Variants in SLC9A9 observed in about 807,000 individuals in gnomAD.
The protein encoded by SLC9A9 is solute carrier family 9 member A9, also known as sodium/hydrogen exchanger 9.
SLC9A9 carries 62 observed loss-of-function variants against 77.8 expected under a neutral mutation model. The ratio of observed to expected loss-of-function variants is 0.80; its 90% CI spans 0.65 to 0.98. The LOEUF (loss-of-function observed/expected upper bound fraction) is 0.98. Among genes scored for constraint, SLC9A9 ranks in the 50% least tolerant of loss-of-function variants. SLC9A9 has a pLI of 0.00. For missense variants in SLC9A9, 775 were observed against 774.9 expected (o/e 1.00, Z 0.00); for synonymous variants, 320 against 283.5 (o/e 1.13, Z -1.29).
chr3:143,548,911 A>T (rs377111024), intron 9 of SLC9A9, among the ~76,000 whole-genome samples: 6 of 152,232 alleles, frequency 3.9e-5, no homozygotes, highest in African/African-American at 1.4e-4. Flanking sequence ...TTTGTAAATC[A>T]TGTCATCTTT....
chr3:143,361,693 A>G (rs181812572), intron 14 of SLC9A9, among the ~76,000 whole-genome samples: 84 of 152,278 alleles, frequency 5.5e-4, no homozygotes, highest in African/African-American at 1.9e-3. Flanking sequence ...TATGACTGAG[A>G]GTGTAAATCT....
chr3:143,358,374 T>C (rs1370236134), intron 14 of SLC9A9, among the ~76,000 whole-genome samples: 4 of 152,230 alleles, frequency 2.6e-5, no homozygotes, highest in Non-Finnish European at 5.9e-5. Context: ...TGCCAATCCA[T>C]TGTTCTTTGC....
At chr3:143,547,415 C>T (rs1269995276) in intron 9 of SLC9A9, among the ~76,000 whole-genome samples, 1 of 152,204 alleles carries the variant, frequency 6.6e-6, no homozygotes, top group Non-Finnish European at 1.5e-5. Flanking sequence ...ACAAGTCAAC[C>T]CTGGGCTCAT....
chr3:143,582,806 T>C (rs1263767489), intron 6 of SLC9A9, among the ~76,000 whole-genome samples: 1 of 152,164 alleles, frequency 6.6e-6, no homozygotes, highest in Non-Finnish European at 1.5e-5. Context: ...GTGGAGGATG[T>C]TCTATAAGCA....
chr3:143,787,359 T>C (rs549042352), intron 4 of SLC9A9, among the ~76,000 whole-genome samples: 1 of 152,346 alleles, frequency 6.6e-6, no homozygotes, highest in South Asian at 2.1e-4. Flanking sequence ...CAATCATTTG[T>C]CTTTATTTGT....
intron 1 of SLC9A9, among the ~76,000 whole-genome samples, chr3:143,845,270 C>T (rs1559825071): frequency 6.6e-6 from 1 of 152,156 alleles, no homozygotes; most frequent in Non-Finnish European, 1.5e-5. Context: ...GCTCCTTCCC[C>T]ATCTATGATT....
At chr3:143,561,615 G>A (rs950956055) in intron 8 of SLC9A9, among the ~76,000 whole-genome samples, 3 of 152,080 alleles carry the variant, frequency 2.0e-5, no homozygotes, top group Admixed American at 6.6e-5. Context: ...GGCATAACAC[G>A]GGTGATGCTG....
intron 12 of SLC9A9, among the ~76,000 whole-genome samples, chr3:143,427,992 A>G (rs1307407913): frequency 6.6e-6 from 1 of 152,236 alleles, no homozygotes; most frequent in Non-Finnish European, 1.5e-5. Flanking sequence ...TACTAAAGGA[A>G]AACATAGGAG....
chr3:143,503,826 C>G, intron 9 of SLC9A9: 1 of 338,700 alleles, frequency 3.0e-6, no homozygotes, highest in South Asian at 2.4e-5. Context: ...ACACAGGAAG[C>G]TTTGCTGATG....
chr3:143,295,277 C>T (rs1165819596), intron 14 of SLC9A9, among the ~76,000 whole-genome samples: 1 of 152,178 alleles, frequency 6.6e-6, no homozygotes, highest in African/African-American at 2.4e-5. Flanking sequence ...CCCATTAATC[C>T]TTACTACACT....
chr3:143,304,851 A>G (rs2030706434), intron 14 of SLC9A9, among the ~76,000 whole-genome samples: 2 of 152,170 alleles, frequency 1.3e-5, no homozygotes, highest in South Asian at 4.1e-4. Flanking sequence ...GTTTACCTGC[A>G]AGCCCAGGTG....
chr3:143,332,749 T>C (rs1392342721), intron 14 of SLC9A9, among the ~76,000 whole-genome samples: 2 of 152,338 alleles, frequency 1.3e-5, no homozygotes, highest in East Asian at 1.9e-4. Context: ...TCTCTTTTAA[T>C]GTATACTTGG....
chr3:143,652,181 A>G (rs2038807747), intron 6 of SLC9A9, 74 bp downstream of exon 6: 5 of 1,215,244 alleles, frequency 4.1e-6, no homozygotes, highest in Non-Finnish European at 6.0e-6. Context: ...TATCTCTGTG[A>G]CATAAGAGAA....
intron 12 of SLC9A9, among the ~76,000 whole-genome samples, chr3:143,447,244 C>T (rs967512036): frequency 2.0e-5 from 3 of 152,088 alleles, no homozygotes; most frequent in Non-Finnish European, 2.9e-5. Context: ...ACCTTGGTGC[C>T]CTACTGGGTT....
At chr3:143,772,404 T>C (rs1394115023) in intron 4 of SLC9A9, among the ~76,000 whole-genome samples, 1 of 152,004 alleles carries the variant, frequency 6.6e-6, no homozygotes, top group Non-Finnish European at 1.5e-5. Context: ...GTAAAAAAAT[T>C]TGTTCTAGTA....
chr3:143,447,815 A>G (rs1312077499), intron 12 of SLC9A9, among the ~76,000 whole-genome samples: 1 of 152,190 alleles, frequency 6.6e-6, no homozygotes, highest in African/African-American at 2.4e-5. Context: ...ACGTGCTTGT[A>G]TCGACCAAAA....
chr3:143,788,091 T>G (rs1346879658), intron 4 of SLC9A9, among the ~76,000 whole-genome samples: 1 of 151,932 alleles, frequency 6.6e-6, no homozygotes, highest in Non-Finnish European at 1.5e-5. Flanking sequence ...CACCACAATA[T>G]ATTATAGAAG....
intron 12 of SLC9A9, among the ~76,000 whole-genome samples, chr3:143,423,037 T>C (rs755426066): frequency 7.2e-5 from 11 of 152,098 alleles, no homozygotes; most frequent in Admixed American, 1.3e-4. Context: ...AGTAGAATGG[T>C]TAAGAACACA....
At chr3:143,777,010 T>G (rs1009137699) in intron 4 of SLC9A9, among the ~76,000 whole-genome samples, 9 of 152,168 alleles carry the variant, frequency 5.9e-5, no homozygotes, top group Admixed American at 5.9e-4. Context: ...GAGCTGAGTA[T>G]CTATCTGACG....
Sources: allele counts gnomAD v4.1 joint callset (sites outside exome capture counted in the v4.1 genomes callset), GRCh38; gene constraint gnomAD v4.1.1; transcripts MANE v1.5; gene names NCBI Gene and HGNC (gene_info 2026-07-23, HGNC 2026-07-21).